Variants in PCDH15 observed in about 807,000 individuals in gnomAD.
PCDH15 encodes protocadherin related 15.
In PCDH15, 129 loss-of-function variants were observed where a neutral mutation model predicts 178.5. That is an observed-to-expected ratio of 0.72 (90% CI 0.63 to 0.84). The LOEUF (loss-of-function observed/expected upper bound fraction) is 0.84, where lower values mean the gene tolerates loss of function less well. Ranked by LOEUF, PCDH15 falls within the 40% of genes least tolerant of loss-of-function variation. PCDH15 has a pLI of 0.00. For synonymous variants in PCDH15, 800 were observed against 732.0 expected (o/e 1.09, Z -1.50); for missense variants, 2,230 against 2,099.9 (o/e 1.06, Z -1.21).
chr10:54,262,598 C>T (rs533727811), intron 8 of PCDH15, among the ~76,000 whole-genome samples: 11 of 152,138 alleles, frequency 7.2e-5, no homozygotes, highest in Non-Finnish European at 8.8e-5. Context: ...AGTCCCAACT[C>T]CCCAAGACTC....
intron 3 of PCDH15, among the ~76,000 whole-genome samples, chr10:54,510,670 AAAGT>A: frequency 6.6e-6 from 1 of 152,318 alleles, no homozygotes; most frequent in African/African-American, 2.4e-5. Flanking sequence ...GGTTAAAATA[AAAGT>A]AATAATGAAA....
At position 53,969,345 on chromosome 10, in the gene PCDH15, A is replaced by C. The variant is rs184563827; in HGVS notation, c.2869-7453T>G. On this transcript the variant is annotated intron_variant, in intron 21 of 37. Transcript: ENST00000644397. ...AAGAAATGAACAAAGCCTCCAAGAA[A>C]TATGGAACTATGTGAAAAGACCAAA... Among the ~76,000 whole-genome samples the C allele has an allele frequency of 7.9e-3, 1,208 of 152,332 alleles. 15 individuals are homozygous for C. Among genetic ancestry groups the C allele is most frequent in the African/African-American group, 0.028 (1,144 of 41,570 alleles).
chr10:54,371,980 T>A (rs1255957498), intron 4 of PCDH15, among the ~76,000 whole-genome samples: 1 of 151,902 alleles, frequency 6.6e-6, no homozygotes, highest in Non-Finnish European at 1.5e-5. Context: ...TGAAAAAGAC[T>A]AGCTCTTAGA....
chr10:54,210,521 C>CA (rs1362750678), intron 10 of PCDH15, among the ~76,000 whole-genome samples: 1 of 151,856 alleles, frequency 6.6e-6, no homozygotes, highest in Admixed American at 6.6e-5. Flanking sequence ...CAAAAGGCTG[C>CA]AAAAAAGCAG....
intron 2 of PCDH15, among the ~76,000 whole-genome samples, chr10:55,105,582 C>T (rs956070303): frequency 6.6e-6 from 1 of 152,082 alleles, no homozygotes; most frequent in African/African-American, 2.4e-5. Flanking sequence ...TCCTATTCAT[C>T]CTGTGGTTTT....
chr10:54,295,529 G>T (rs1460546789), intron 8 of PCDH15, among the ~76,000 whole-genome samples: 1 of 152,156 alleles, frequency 6.6e-6, no homozygotes. Flanking sequence ...CACTGAGAAG[G>T]TTCATGGCTT....
At chr10:54,601,942 T>G (rs2092555998) in intron 2 of PCDH15, among the ~76,000 whole-genome samples, 1 of 151,696 alleles carries the variant, frequency 6.6e-6, no homozygotes, top group South Asian at 2.1e-4. Context: ...TGAAAACACA[T>G]GGACACAAAG....
chr10:53,931,489 T>C (rs1388476471), intron 25 of PCDH15, among the ~76,000 whole-genome samples: 3 of 152,162 alleles, frequency 2.0e-5, no homozygotes, highest in Admixed American at 6.5e-5. Context: ...GATACATCAA[T>C]AAACAAAACA....
At chr10:55,347,882 T>G (rs889007087) in intron 2 of PCDH15, among the ~76,000 whole-genome samples, 1 of 152,120 alleles carries the variant, frequency 6.6e-6, no homozygotes, top group East Asian at 1.9e-4. Flanking sequence ...TTTCTTTTTA[T>G]TTTTATTTGA....
At chr10:53,849,590 C>G (rs1288589019) in intron 28 of PCDH15, among the ~76,000 whole-genome samples, 2 of 151,978 alleles carry the variant, frequency 1.3e-5, no homozygotes, top group Non-Finnish European at 2.9e-5. Context: ...ATTGGCCGGA[C>G]GCGGTGGCTC....
intron 26 of PCDH15, among the ~76,000 whole-genome samples, chr10:53,900,223 CTCTCTCTCTCCCCCCCTCTCTCTGTCTG>C (rs1333459346): frequency 2.6e-5 from 4 of 151,758 alleles, no homozygotes; most frequent in Admixed American, 6.6e-5. Context: ...CTCTCTCTCT[CTCTCTCTCTCCCCCCCTCTCTCTGTCTG>C]TCTCTCTCTC....
intron 8 of PCDH15, among the ~76,000 whole-genome samples, chr10:54,294,059 G>A (rs951910910): frequency 2.0e-5 from 3 of 152,054 alleles, no homozygotes; most frequent in Non-Finnish European, 2.9e-5. Context: ...CAAAGACTTG[G>A]AACCAACCCA....
chr10:54,461,792 G>T (rs2077180006), intron 3 of PCDH15, among the ~76,000 whole-genome samples: 1 of 151,824 alleles, frequency 6.6e-6, no homozygotes, highest in Non-Finnish European at 1.5e-5. Context: ...AATTCTTATG[G>T]TAAGGACTTA....
rs56254743 is a variant in PCDH15 at position 55,529,741 on chromosome 10, G to GTATATATATATATATATA, written c.-156+97866_-156+97883dup. 1.3e-3 allele frequency among the ~76,000 whole-genome samples: 79 copies of GTATATATATATATATATA among 62,746 alleles called. 1 individual carries two copies. Among genetic ancestry groups the GTATATATATATATATATA allele is most frequent in the South Asian group, 3.7e-3 (5 of 1,350 alleles). 41.2% of individuals were successfully genotyped at this position (62,746 alleles called of 152,430 possible). On this transcript the variant is annotated intron_variant, in intron 2 of 5. Coordinates refer to the PCDH15 transcript ENST00000613346. ...TATATATATATGTGTTTGTCTGTGA[G>GTATATATATATATATATA]TATATATATATATATATATATATAT...
intron 3 of PCDH15, among the ~76,000 whole-genome samples, chr10:54,395,768 T>C (rs1236916460): frequency 6.6e-6 from 1 of 152,148 alleles, no homozygotes; most frequent in African/African-American, 2.4e-5. Flanking sequence ...AGTACCACAT[T>C]TTTCAATGCA....
chr10:55,111,202 C>T (rs1361422953), intron 2 of PCDH15, among the ~76,000 whole-genome samples: 1 of 152,070 alleles, frequency 6.6e-6, no homozygotes, highest in Non-Finnish European at 1.5e-5. Flanking sequence ...GAAGACTTTT[C>T]ACAGAAAAGT....
At chr10:54,841,614 T>C (rs1236605480) in intron 3 of PCDH15, among the ~76,000 whole-genome samples, 1 of 151,750 alleles carries the variant, frequency 6.6e-6, no homozygotes, top group Admixed American at 6.6e-5. Flanking sequence ...GTTAAATATA[T>C]TTCAATAAAG....
intron 10 of PCDH15, among the ~76,000 whole-genome samples, chr10:54,197,182 T>C (rs2049756683): frequency 6.6e-6 from 1 of 150,620 alleles, no homozygotes. Context: ...AATATTCTTA[T>C]GTATAAATTT....
intron 25 of PCDH15, among the ~76,000 whole-genome samples, chr10:53,932,616 A>G (rs2085167388): frequency 6.6e-6 from 1 of 152,172 alleles, no homozygotes; most frequent in Non-Finnish European, 1.5e-5. Flanking sequence ...TTCAAGTACA[A>G]CTTTACAACA....
Sources: gnomAD v4.1 joint callset for allele counts (sites outside exome capture counted in the v4.1 genomes callset) on GRCh38, gnomAD v4.1.1 for gene constraint, MANE v1.5 for transcripts, NCBI Gene and HGNC (gene_info 2026-07-23, HGNC 2026-07-21) for gene names.